SPAST: variants seen among roughly 807,000 people sequenced by gnomAD.
SPAST encodes the protein spastic paraplegia 4 (autosomal dominant; spastin).
A neutral mutation model predicts 76.6 loss-of-function variants in SPAST; 30 were observed. The ratio of observed to expected loss-of-function variants is 0.39; its 90% confidence interval spans 0.29 to 0.53. SPAST has a LOEUF of 0.53. SPAST is among the 20% of genes least tolerant of loss of function. SPAST has a pLI of 0.68. For missense variants in SPAST, 717 were observed against 770.5 expected (o/e 0.93, Z 0.82); for synonymous variants, 305 against 281.0 (o/e 1.09, Z -0.86).
chr2:32,124,157 CT>C (rs1345141037), intron 7 of SPAST, among the ~76,000 whole-genome samples: 1 of 152,120 alleles, frequency 6.6e-6, no homozygotes, highest in Non-Finnish European at 1.5e-5. Context: ...ATACAAAGAA[CT>C]TTTAAAACTC....
Position 32,154,809 on chromosome 2 carries a change from T to C in SPAST, c.*313T>C, listed in dbSNP as rs1680201004. 1 of 297,128 alleles carries C rather than the reference T, an allele frequency of 3.4e-6. No individual in the cohort carries two copies. The highest frequency in any genetic ancestry group is 4.8e-5 in the Admixed American group (1 of 20,738). 18.4% of individuals were successfully genotyped at this position (297,128 alleles called of 1,614,324 possible). A position where few individuals can be genotyped will look rare whatever the true frequency, so the allele number is the denominator to read the frequency against. ...ATCATAATGTAAATAATAATTTGTA[T>C]ATTGTGTTGCAGATGAAAGTATTCC... On this transcript the variant is annotated 3_prime_UTR_variant, in exon 17 of 17. Transcript: ENST00000315285.
chr2:32,073,873 T>C (rs1222159674), intron 1 of SPAST, among the ~76,000 whole-genome samples: 2 of 152,330 alleles, frequency 1.3e-5, no homozygotes, highest in South Asian at 2.1e-4. Flanking sequence ...TATGTAGATA[T>C]TCTGTAGACT....
At chr2:32,106,842 C>G (rs1177701516) in intron 4 of SPAST, among the ~76,000 whole-genome samples, 1 of 150,780 alleles carries the variant, frequency 6.6e-6, no homozygotes, top group Admixed American at 6.6e-5. Context: ...TTGCCTGTTT[C>G]TTTTAGCGTG....
chr2:32,068,317 T>C (rs1676607816), intron 1 of SPAST, among the ~76,000 whole-genome samples: 2 of 144,906 alleles, frequency 1.4e-5, no homozygotes, highest in Admixed American at 1.4e-4. Flanking sequence ...AATGGGCTGT[T>C]GACAGCTCTT....
chr2:32,104,938 G>A (rs1678261355), intron 4 of SPAST, among the ~76,000 whole-genome samples: 2 of 152,120 alleles, frequency 1.3e-5, no homozygotes, highest in Admixed American at 6.5e-5. Flanking sequence ...TCTTGGAGTT[G>A]CTCTTCTTGA....
intron 1 of SPAST, among the ~76,000 whole-genome samples, chr2:32,075,095 T>C (rs990696614): frequency 6.6e-6 from 1 of 152,044 alleles, no homozygotes; most frequent in Non-Finnish European, 1.5e-5. Context: ...AGTAGCAGCA[T>C]AAACGAGATA....
chr2:32,147,355 T>TTG (rs1679925493), intron 16 of SPAST, 97 bp downstream of exon 16: 1 of 720,132 alleles, frequency 1.4e-6, no homozygotes, highest in Non-Finnish European at 2.3e-6. Flanking sequence ...GTTTTTTTTT[T>TTG]TTTTTTTTTT....
intron 7 of SPAST, among the ~76,000 whole-genome samples, chr2:32,118,075 G>C (rs1678901990): frequency 6.6e-6 from 1 of 152,116 alleles, no homozygotes; most frequent in Admixed American, 6.5e-5. Flanking sequence ...AAATAAATCT[G>C]AAGACTCACT....
intron 2 of SPAST, among the ~76,000 whole-genome samples, chr2:32,089,218 T>TTTTTTTTTTTTGTC (rs375850129): frequency 7.7e-6 from 1 of 129,974 alleles, no homozygotes; most frequent in Non-Finnish European, 1.6e-5. Flanking sequence ...TTTTTTTTTT[T>TTTTTTTTTTTTGTC]AAGTAGAGAC....
intron 3 of SPAST, among the ~76,000 whole-genome samples, chr2:32,092,696 TGTG>T (rs1299106612): frequency 6.6e-6 from 1 of 152,064 alleles, no homozygotes; most frequent in Non-Finnish European, 1.5e-5. Context: ...TCTTTAAAAG[TGTG>T]GAGTGGTAGA....
At chr2:32,082,672 G>T (rs538596576) in intron 1 of SPAST, among the ~76,000 whole-genome samples, 1 of 151,922 alleles carries the variant, frequency 6.6e-6, no homozygotes, top group South Asian at 2.1e-4. Context: ...CTCCAGCCTG[G>T]GCAACAAGAG....
chr2:32,137,049 A>T (rs1573156732), intron 11 of SPAST, 60 bp from the exon 12 acceptor site: 6 of 1,553,514 alleles, frequency 3.9e-6, no homozygotes, highest in Non-Finnish European at 5.3e-6. Flanking sequence ...AAAAATACAA[A>T]TATCTTTATA....
intron 16 of SPAST, among the ~76,000 whole-genome samples, chr2:32,151,292 T>C (rs1680076943): frequency 6.6e-6 from 1 of 152,224 alleles, no homozygotes; most frequent in Non-Finnish European, 1.5e-5. Flanking sequence ...GTGGTTTTGG[T>C]ATTAATAATT....
intron 9 of SPAST, chr2:32,130,207 A>G (rs531957964): frequency 1.3e-5 from 2 of 152,326 alleles, no homozygotes; most frequent in South Asian, 4.1e-4. Context: ...AGGTGGGAGG[A>G]TCACTTGAGT....
chr2:32,101,201 C>T (rs1259159550), intron 4 of SPAST, among the ~76,000 whole-genome samples: 1 of 152,178 alleles, frequency 6.6e-6, no homozygotes, highest in Non-Finnish European at 1.5e-5. Flanking sequence ...TTGCATTTCT[C>T]TGATGGCCAG....
At chr2:32,080,001 C>T (rs1677140355) in intron 1 of SPAST, among the ~76,000 whole-genome samples, 1 of 152,162 alleles carries the variant, frequency 6.6e-6, no homozygotes, top group African/African-American at 2.4e-5. Flanking sequence ...AATTTTTGAA[C>T]TGCCAACCTG....
At chr2:32,120,026 C>CTT (rs1334920064) in intron 7 of SPAST, among the ~76,000 whole-genome samples, 13 of 143,682 alleles carry the variant, frequency 9.0e-5, no homozygotes, top group African/African-American at 2.5e-4. Flanking sequence ...TTCTTTCTTT[C>CTT]TTTTTTTTTT....
chr2:32,089,394 TC>T, intron 2 of SPAST, 127 bp from the exon 3 acceptor site: 1 of 609,218 alleles, frequency 1.6e-6, no homozygotes, highest in Non-Finnish European at 2.9e-6. Flanking sequence ...TACATTTTCT[TC>T]TTTTTTTTAA....
intron 2 of SPAST, among the ~76,000 whole-genome samples, chr2:32,089,090 C>T (rs1478357525): frequency 2.6e-5 from 4 of 151,872 alleles, no homozygotes; most frequent in Non-Finnish European, 4.4e-5. Context: ...GAGACAGGGT[C>T]TCACCCTGTT....
Sources: gnomAD v4.1 joint callset for allele counts (sites outside exome capture counted in the v4.1 genomes callset) on GRCh38, gnomAD v4.1.1 for gene constraint, MANE v1.5 for transcripts, NCBI Gene and HGNC (gene_info 2026-07-23, HGNC 2026-07-21) for gene names.